The following PPP4R3A variants were observed in gnomAD, a reference collection of about 807,000 sequenced individuals.
PPP4R3A encodes the protein protein phosphatase 4 regulatory subunit 3A, also known as serine/threonine-protein phosphatase 4 regulatory subunit 3A.
PPP4R3A carries 15 observed loss-of-function variants against 91.7 expected under a neutral mutation model. That is an observed-to-expected ratio of 0.16 (90% confidence interval 0.11 to 0.25). The LOEUF (loss-of-function observed/expected upper bound fraction) is 0.25, where lower values mean the gene tolerates loss of function less well. Among genes scored for constraint, PPP4R3A ranks in the 10% least tolerant of loss-of-function variants. PPP4R3A has a pLI of 1.00. For missense variants in PPP4R3A, 623 were observed against 998.4 expected (o/e 0.62, Z 5.07); for synonymous variants, 377 against 348.7 (o/e 1.08, Z -0.91).
chr14:91,460,633 GTTCC>G (rs1888078873), intron 14 of PPP4R3A, among the ~76,000 whole-genome samples: 1 of 107,466 alleles, frequency 9.3e-6, no homozygotes, highest in Non-Finnish European at 2.0e-5. Flanking sequence ...TTAAGATTTT[GTTCC>G]TTTTTTTTTT....
intron 11 of PPP4R3A, among the ~76,000 whole-genome samples, chr14:91,465,030 C>T (rs2064964): frequency 0.88 from 133,480 of 152,238 alleles, 58,762 homozygotes; most frequent in East Asian, 0.96. Flanking sequence ...GGCTATGGAC[C>T]GGTCCGCGGC....
At chr14:91,459,088 G>A (rs979738132) in intron 14 of PPP4R3A, among the ~76,000 whole-genome samples, 2 of 152,018 alleles carry the variant, frequency 1.3e-5, no homozygotes, top group Non-Finnish European at 2.9e-5. Context: ...AAAACTTTGA[G>A]TTAATTAGAA....
intron 5 of PPP4R3A, among the ~76,000 whole-genome samples, 157 bp from the exon 6 acceptor site, chr14:91,476,681 T>A (rs1889228011): frequency 6.6e-6 from 1 of 152,256 alleles, no homozygotes; most frequent in Admixed American, 6.5e-5. Flanking sequence ...TTCTCCTGCC[T>A]CAGCCTTCTG....
intron 1 of PPP4R3A, among the ~76,000 whole-genome samples, chr14:91,496,180 C>A (rs1439876036): frequency 2.0e-5 from 3 of 152,118 alleles, no homozygotes; most frequent in Non-Finnish European, 4.4e-5. Flanking sequence ...TGGGGAGGAA[C>A]CTGAAGTAGG....
intron 4 of PPP4R3A, 124 bp from the exon 5 acceptor site, chr14:91,477,110 C>T (rs199530963): frequency 4.8e-4 from 206 of 429,570 alleles, no homozygotes; most frequent in Non-Finnish European, 5.0e-4. Context: ...GCAATGCTGT[C>T]TTTTTTTTTT....
chr14:91,503,751 T>G (rs1162685144), intron 1 of PPP4R3A, among the ~76,000 whole-genome samples: 1 of 152,086 alleles, frequency 6.6e-6, no homozygotes, highest in Non-Finnish European at 1.5e-5. Flanking sequence ...GAAAGAAAAG[T>G]AGTATAATGA....
intron 1 of PPP4R3A, among the ~76,000 whole-genome samples, chr14:91,500,294 G>A (rs1003456538): frequency 3.3e-5 from 5 of 152,044 alleles, no homozygotes; most frequent in Admixed American, 2.6e-4. Flanking sequence ...TCCACCTCCC[G>A]GGTTCAAGTG....
intron 1 of PPP4R3A, among the ~76,000 whole-genome samples, chr14:91,507,786 T>C (rs1272288757): frequency 1.3e-5 from 2 of 151,746 alleles, no homozygotes; most frequent in Non-Finnish European, 2.9e-5. Flanking sequence ...GAAGGTTATA[T>C]GTATTATTTT....
intron 11 of PPP4R3A, among the ~76,000 whole-genome samples, chr14:91,464,172 T>C (rs955327717): frequency 6.6e-6 from 1 of 152,002 alleles, no homozygotes; most frequent in African/African-American, 2.4e-5. Flanking sequence ...AATACAAAAA[T>C]TAGTCGGGTA....
chr14:91,485,173 G>A (rs1425751565), intron 3 of PPP4R3A, among the ~76,000 whole-genome samples: 1 of 152,178 alleles, frequency 6.6e-6, no homozygotes, highest in Non-Finnish European at 1.5e-5. Flanking sequence ...GGCAAGAAAT[G>A]ATGGTGGCTT....
intron 3 of PPP4R3A, among the ~76,000 whole-genome samples, chr14:91,485,355 G>A (rs1889819802): frequency 6.6e-6 from 1 of 152,216 alleles, no homozygotes; most frequent in Admixed American, 6.5e-5. Context: ...AGAAGATTAT[G>A]TTTGGTTTTG....
Position 91,495,812 on chromosome 14 carries a change from A to G in PPP4R3A, c.143-5010T>C, listed in dbSNP as rs1239614156. Among the ~76,000 whole-genome samples, 5 of 152,232 alleles carry G rather than the reference A, an allele frequency of 3.3e-5. No individual in the cohort carries two copies. In the East Asian group the frequency reaches 9.7e-4, roughly 29 times the overall value. On this transcript the variant is annotated intron_variant, in intron 1 of 14. Coordinates refer to ENST00000554943, the MANE Select transcript of PPP4R3A (RefSeq NM_001366432.2). ...CGCACGCCTGTAGTCCTAGCTGCTC[A>G]GGAGGCAGAGGTGGGAGGATTGCCT...
At chr14:91,486,153 GGT>G (rs1234896993) in intron 2 of PPP4R3A, among the ~76,000 whole-genome samples, 1 of 152,030 alleles carries the variant, frequency 6.6e-6, no homozygotes, top group Non-Finnish European at 1.5e-5. Flanking sequence ...ATTGTCAGCA[GGT>G]GTTTTTCACC....
intron 1 of PPP4R3A, among the ~76,000 whole-genome samples, chr14:91,493,474 T>A (rs1454356897): frequency 6.7e-6 from 1 of 149,988 alleles, no homozygotes; most frequent in African/African-American, 2.5e-5. Context: ...GACTGGGTTC[T>A]AGACTGGGTG....
In PPP4R3A at chr14:91,510,036, A is replaced by G. The variant is rs1891694911; in HGVS notation, c.-389T>C. 1.3e-6 allele frequency: 1 copy of G among 780,412 alleles called. No homozygotes were observed. Among genetic ancestry groups the G allele is most frequent in the Non-Finnish European group, 1.6e-6 (1 of 640,986 alleles). The allele number at this position is 780,412 out of a possible 1,614,324, so 48.3% of individuals were successfully genotyped here. The stretch of plus-strand genomic sequence containing the variant: ...CTTCCCGCGCCGCCGCCGCCTCCTC[A>G]GGCCGCCGCCGCCGCCGCCATATTT... On this transcript the variant is annotated 5_prime_UTR_variant, in exon 1 of 15. An upstream open reading frame in the 5' UTR loses its in-frame stop. Transcript: ENST00000554943.
Position 91,470,963 on chromosome 14 carries a change from C to T in PPP4R3A, c.1534G>A (p.Val512Ile). The T allele has an allele frequency of 6.2e-7, 1 of 1,605,306 alleles. No individual in the cohort carries two copies. The highest frequency in any genetic ancestry group is 8.5e-7 in the Non-Finnish European group (1 of 1,178,262). The change falls in exon 10 of 15, where the codon GTA becomes ATA. Residue 512 changes from valine (V) to isoleucine (I), a missense_variant. Physicochemically the swap from Val to Ile is conservative, Grantham distance 29. Coordinates refer to ENST00000554943, the MANE Select transcript of PPP4R3A (RefSeq NM_001366432.2). The stretch of plus-strand genomic sequence containing the variant: ...ACACAAAATGTTAACAATTCCAATA[C>T]AAGTGCCAATAGTTGGGCAGTCTGA... ...DFQTAQLLAL[V>I]LELLTFCVEH... is the part of the protein sequence containing the mutation.
intron 9 of PPP4R3A, among the ~76,000 whole-genome samples, chr14:91,472,200 AATGAAT>A (rs1395185076): frequency 1.9e-4 from 29 of 152,234 alleles, no homozygotes; most frequent in African/African-American, 6.5e-4. Context: ...CTAAAGCTCT[AATGAAT>A]ATAATACAAA....
intron 10 of PPP4R3A, among the ~76,000 whole-genome samples, chr14:91,468,671 A>AAAAAAAAAAAAAAAAAAAAAAAG: frequency 7.0e-6 from 1 of 143,654 alleles, no homozygotes; most frequent in South Asian, 2.2e-4. Flanking sequence ...CCGTCTCAAA[A>AAAAAAAAAAAAAAAAAAAAAAAG]AAAAAAAAAA....
At chr14:91,504,218 G>A (rs1293647907) in intron 1 of PPP4R3A, among the ~76,000 whole-genome samples, 1 of 151,084 alleles carries the variant, frequency 6.6e-6, no homozygotes, top group Non-Finnish European at 1.5e-5. Context: ...GTGTGCACCT[G>A]TAATCCCAGC....
Sources: allele counts gnomAD v4.1 joint callset (sites outside exome capture counted in the v4.1 genomes callset), GRCh38; gene constraint gnomAD v4.1.1; transcripts MANE v1.5; gene names NCBI Gene and HGNC (gene_info 2026-07-23, HGNC 2026-07-21).